Variants in PCDH15 observed in about 807,000 individuals in gnomAD.
PCDH15 encodes protocadherin-15.
A neutral mutation model predicts 178.5 loss-of-function variants in PCDH15; 129 were observed. That is an observed-to-expected ratio of 0.72 (90% CI 0.63 to 0.84). PCDH15 has a LOEUF of 0.84. PCDH15 is among the 40% of genes least tolerant of loss of function. The pLI is 0.00. For missense variants in PCDH15, 2,230 were observed against 2,099.9 expected (o/e 1.06, Z -1.21); for synonymous variants, 800 against 732.0 (o/e 1.09, Z -1.50).
chr10:54,927,865 C>A (rs2891551), intron 2 of PCDH15, among the ~76,000 whole-genome samples: 17,047 of 151,990 alleles, frequency 0.11, 1,311 homozygotes, highest in East Asian at 0.23. Context: ...ACACAGCATA[C>A]CAATAGGTAT....
chr10:53,810,730 A>G (rs978106403), intron 36 of PCDH15, 66 bp from the exon 37 acceptor site: 18 of 1,381,036 alleles, frequency 1.3e-5, no homozygotes, highest in Non-Finnish European at 1.9e-5. Flanking sequence ...ACCATGAGTG[A>G]TCTGTTTCCT....
At position 54,901,155 on chromosome 10, in the gene PCDH15, C is replaced by A. The variant is rs1954632725; in HGVS notation, c.-79-3655G>T. 7.2e-5 allele frequency among the ~76,000 whole-genome samples: 11 copies of A among 152,024 alleles called. No individual in the cohort carries two copies. In the South Asian group the frequency reaches 2.3e-3, roughly 32 times the overall value. On this transcript the variant is annotated intron_variant, in intron 2 of 5. Coordinates refer to the PCDH15 transcript ENST00000458638. ...GTAAGACCCCCCTCCACCATCTCTA[C>A]AAAAAATTAGCCTGGTGTGGTGGCG...
chr10:54,238,659 C>CCT (rs141677915), intron 8 of PCDH15, among the ~76,000 whole-genome samples: 45,148 of 129,660 alleles, frequency 0.35, 8,607 homozygotes, highest in East Asian at 0.77. Context: ...TCCCATGCTG[C>CCT]CTCTCTCTCT....
At chr10:54,342,997 C>T (rs1266162689) in intron 6 of PCDH15, among the ~76,000 whole-genome samples, 1 of 152,060 alleles carries the variant, frequency 6.6e-6, no homozygotes, top group Non-Finnish European at 1.5e-5. Flanking sequence ...ATTTTATAGG[C>T]TTATGGGTTA....
At chr10:55,141,870 T>TA in intron 2 of PCDH15, among the ~76,000 whole-genome samples, 1 of 151,776 alleles carries the variant, frequency 6.6e-6, no homozygotes. Context: ...TATTTTTTTT[T>TA]ACATTCTTTA....
chr10:54,899,859 CA>C (rs11322185), intron 2 of PCDH15, among the ~76,000 whole-genome samples: 110,486 of 151,756 alleles, frequency 0.73, 40,670 homozygotes, highest in East Asian at 0.89. Context: ...ACATATTTTT[CA>C]AATATGTATT....
chr10:55,193,543 T>C (rs570206558), intron 1 of PCDH15, among the ~76,000 whole-genome samples: 1 of 152,136 alleles, frequency 6.6e-6, no homozygotes, highest in African/African-American at 2.4e-5. Context: ...TTCAGGTTAA[T>C]AGTTTGAGAG....
intron 23 of PCDH15, among the ~76,000 whole-genome samples, chr10:53,943,761 G>C (rs1210234626): frequency 6.6e-6 from 1 of 151,970 alleles, no homozygotes; most frequent in Non-Finnish European, 1.5e-5. Context: ...AATTGTTCCA[G>C]TACACTTGTT....
At chr10:55,145,446 A>C (rs778720232) in intron 2 of PCDH15, among the ~76,000 whole-genome samples, 6 of 152,030 alleles carry the variant, frequency 3.9e-5, no homozygotes, top group Non-Finnish European at 7.4e-5. Flanking sequence ...GAAATGTTAG[A>C]GAAGAGTGTG....
upstream of PCDH15, among the ~76,000 whole-genome samples, chr10:55,320,745 G>A (rs145816885): frequency 1.2e-3 from 187 of 151,928 alleles, no homozygotes; most frequent in African/African-American, 3.8e-3. Flanking sequence ...AAACCCCCAA[G>A]GATATCAAAG....
rs1400977225 is a variant in PCDH15, at chr10:55,458,847, A to G, written c.-156+168778T>C. 5.9e-5 allele frequency among the ~76,000 whole-genome samples: 9 copies of G among 152,098 alleles called. 1 individual carries two copies. The highest frequency in any genetic ancestry group is 2.0e-4 in the Admixed American group (3 of 15,254). On this transcript the variant is annotated intron_variant, in intron 2 of 5. Transcript: ENST00000613346. ...TATGTTTTGTAGACAATACGTACAG[A>G]CTAGTGAGACAAAAACACTAAAACG...
At chr10:55,294,037 A>G (rs1446747445) in intron 1 of PCDH15, among the ~76,000 whole-genome samples, 1 of 152,184 alleles carries the variant, frequency 6.6e-6, no homozygotes, top group East Asian at 1.9e-4. Context: ...AGTTTAATGG[A>G]CTTAACAGTT....
chr10:54,518,781 T>C (rs941216008), intron 3 of PCDH15, among the ~76,000 whole-genome samples: 3 of 152,234 alleles, frequency 2.0e-5, no homozygotes, highest in Admixed American at 6.5e-5. Flanking sequence ...TAGACCAATA[T>C]CCTTGATGAA....
At chr10:53,878,897 T>C (rs568931887) in intron 26 of PCDH15, among the ~76,000 whole-genome samples, 1 of 152,264 alleles carries the variant, frequency 6.6e-6, no homozygotes, top group Admixed American at 6.5e-5. Context: ...GGCAAGTGAT[T>C]CTCTAAGGCT....
At chr10:54,095,440 A>G (rs2094683999) in intron 15 of PCDH15, among the ~76,000 whole-genome samples, 1 of 151,924 alleles carries the variant, frequency 6.6e-6, no homozygotes, top group Non-Finnish European at 1.5e-5. Flanking sequence ...GAATAATATT[A>G]TATAGAATAT....
At chr10:54,860,459 T>G (rs1050560942) in intron 3 of PCDH15, among the ~76,000 whole-genome samples, 9 of 152,176 alleles carry the variant, frequency 5.9e-5, no homozygotes, top group Non-Finnish European at 1.2e-4. Flanking sequence ...GCTCCATCCA[T>G]GTTACTGCAA....
intron 11 of PCDH15, among the ~76,000 whole-genome samples, chr10:54,192,150 AAG>A (rs1310558262): frequency 1.1e-5 from 1 of 88,936 alleles, no homozygotes; most frequent in Non-Finnish European, 2.0e-5. Context: ...GAAAGAAAGA[AAG>A]AAAAAGAAAG....
intron 1 of PCDH15, among the ~76,000 whole-genome samples, chr10:54,726,421 T>TGG (rs1157086165): frequency 1.3e-3 from 8 of 6,248 alleles, no homozygotes; most frequent in African/African-American, 3.4e-3. Flanking sequence ...CCATCAGGGG[T>TGG]GTGTGTGTGT....
intron 10 of PCDH15, among the ~76,000 whole-genome samples, chr10:54,211,126 C>T (rs1009172316): frequency 2.6e-5 from 4 of 152,070 alleles, no homozygotes; most frequent in African/African-American, 2.4e-5. Flanking sequence ...ATGGTCCACA[C>T]GTGAACTAAT....
Sources: gnomAD v4.1 joint callset for allele counts (sites outside exome capture counted in the v4.1 genomes callset) on GRCh38, gnomAD v4.1.1 for gene constraint, MANE v1.5 for transcripts, NCBI Gene and HGNC (gene_info 2026-07-23, HGNC 2026-07-21) for gene names.